Variants in ASTN2 observed in about 807,000 individuals in gnomAD.
The protein encoded by ASTN2 is astrotactin 2, also known as astrotactin-2.
Under a neutral mutation model 139.8 loss-of-function variants are expected in ASTN2, and 54 were observed. The ratio of observed to expected loss-of-function variants is 0.39; its 90% CI spans 0.31 to 0.48. The LOEUF (loss-of-function observed/expected upper bound fraction) is 0.48, where lower values mean the gene tolerates loss of function less well. Among genes scored for constraint, ASTN2 ranks in the 20% least tolerant of loss-of-function variants. The pLI, the probability that ASTN2 is intolerant of heterozygous loss-of-function variation, is 0.95. For synonymous variants in ASTN2, 756 were observed against 719.5 expected, an observed-to-expected ratio of 1.05 and a Z score of -0.81; for missense variants, 1,565 against 1,725.1, an observed-to-expected ratio of 0.91 and a Z score of 1.64.
At chr9:116,948,785 G>GTTTTTTTTTTTTGTTTTGT (rs1835471789) in intron 10 of ASTN2, among the ~76,000 whole-genome samples, 1 of 49,472 alleles carries the variant, frequency 2.0e-5, no homozygotes, top group Non-Finnish European at 3.4e-5. Context: ...ATAATTTGGT[G>GTTTTTTTTTTTTGTTTTGT]TTTTTTTTTT....
At chr9:117,074,127 G>T (rs947083218) in intron 5 of ASTN2, among the ~76,000 whole-genome samples, 3 of 152,142 alleles carry the variant, frequency 2.0e-5, no homozygotes, top group African/African-American at 7.2e-5. Flanking sequence ...ACAGGAATGG[G>T]GTTATCTGGG....
At chr9:116,882,321 T>A (rs1234651226) in intron 10 of ASTN2, among the ~76,000 whole-genome samples, 1 of 152,218 alleles carries the variant, frequency 6.6e-6, no homozygotes, top group Non-Finnish European at 1.5e-5. Context: ...GAGTGAAAGT[T>A]ACTGTATGGA....
At chr9:116,710,259 T>C (rs1828111997) in intron 16 of ASTN2, among the ~76,000 whole-genome samples, 1 of 152,168 alleles carries the variant, frequency 6.6e-6, no homozygotes, top group Non-Finnish European at 1.5e-5. Context: ...CCCTCTGCTC[T>C]CCCTAGAAAG....
chr9:116,951,109 G>T (rs1212826231), intron 10 of ASTN2, among the ~76,000 whole-genome samples: 1 of 151,896 alleles, frequency 6.6e-6, no homozygotes, highest in East Asian at 1.9e-4. Flanking sequence ...AGGCTGAGGT[G>T]GGTGGATCAC....
At chr9:117,048,307 A>G (rs946195182) in intron 5 of ASTN2, among the ~76,000 whole-genome samples, 16 of 152,190 alleles carry the variant, frequency 1.1e-4, no homozygotes, top group African/African-American at 3.6e-4. Context: ...TCACAAGGAC[A>G]AAGTTTAAAA....
At position 117,414,606 on chromosome 9, in the gene ASTN2, G is replaced by T. The variant is rs376579125; in HGVS notation, c.333C>A (p.Ala111=). The T allele has an allele frequency of 1.3e-6, 2 of 1,565,746 alleles. No homozygotes were observed. Among genetic ancestry groups the T allele is most frequent in the Non-Finnish European group, 1.7e-6 (2 of 1,160,900 alleles). The change falls in exon 1 of 23, where the codon GCC becomes GCA. Residue 111 remains alanine, a synonymous_variant. Transcript: ENST00000313400. The surrounding 1 kb of genome is among the most constrained non-coding windows in gnomAD (Gnocchi z 4.2). The part of the protein sequence containing the change: ...AAASPGSPGS[A]GTAAESRLLL... ...GGAGGCGCGACTCGGCGGCGGTGCC[G>T]GCAGAGCCAGGAGAGCCCGGGGACG...
At chr9:117,262,884 G>T (rs1243220873) in intron 2 of ASTN2, among the ~76,000 whole-genome samples, 1 of 152,162 alleles carries the variant, frequency 6.6e-6, no homozygotes, top group Non-Finnish European at 1.5e-5. Flanking sequence ...TATTGGCTTT[G>T]CAGATGGAGG....
At chr9:117,257,204 A>T (rs1483801170) in intron 2 of ASTN2, among the ~76,000 whole-genome samples, 1 of 152,200 alleles carries the variant, frequency 6.6e-6, no homozygotes, top group Non-Finnish European at 1.5e-5. Flanking sequence ...GTCCTGATTC[A>T]TTAAATGGAT....
chr9:117,000,441 C>T (rs1193399464), intron 7 of ASTN2, among the ~76,000 whole-genome samples: 2 of 152,190 alleles, frequency 1.3e-5, no homozygotes, highest in Non-Finnish European at 2.9e-5. Context: ...GTGTTGTAGA[C>T]CATATTGTCA....
Position 116,442,573 on chromosome 9 carries a change from CAG to C in ASTN2, c.3498-22_3498-21del. ...GTGAACCTGCAGCACAGCAAGAAAA[CAG>C]AGCACCAGGCTGTGACTTCACAGAA... is the stretch of plus-strand genomic sequence containing the variant. On this transcript the variant is annotated intron_variant, in intron 20 of 22. Transcript: ENST00000313400. 1 of 1,607,510 alleles carries C rather than the reference CAG, an allele frequency of 6.2e-7. No homozygotes were observed. Among genetic ancestry groups the C allele is most frequent in the Non-Finnish European group, 8.5e-7 (1 of 1,173,950 alleles).
intron 16 of ASTN2, among the ~76,000 whole-genome samples, chr9:116,670,342 T>G (rs1027111910): frequency 3.3e-5 from 5 of 152,104 alleles, no homozygotes; most frequent in Non-Finnish European, 5.9e-5. Flanking sequence ...CCGGACAAAG[T>G]GTCCACAAGG....
At chr9:117,191,441 A>G (rs966773564) in intron 3 of ASTN2, among the ~76,000 whole-genome samples, 1 of 152,242 alleles carries the variant, frequency 6.6e-6, no homozygotes, top group Non-Finnish European at 1.5e-5. Context: ...TGGGGCATAC[A>G]AAAAATTGCT....
At chr9:116,797,473 A>T (rs1224537846) in intron 13 of ASTN2, among the ~76,000 whole-genome samples, 1 of 152,072 alleles carries the variant, frequency 6.6e-6, no homozygotes, top group East Asian at 1.9e-4. Context: ...CCTCTAATCC[A>T]GCCTCCAACT....
intron 17 of ASTN2, among the ~76,000 whole-genome samples, chr9:116,630,979 G>A (rs1183946583): frequency 6.6e-6 from 1 of 151,964 alleles, no homozygotes; most frequent in African/African-American, 2.4e-5. Flanking sequence ...AATTATCAGG[G>A]AAATGCAAAT....
At chr9:117,142,899 G>A (rs1588010588) in intron 3 of ASTN2, among the ~76,000 whole-genome samples, 1 of 152,094 alleles carries the variant, frequency 6.6e-6, no homozygotes, top group Non-Finnish European at 1.5e-5. Context: ...TTCTTCTTCA[G>A]TTTGAGCTAC....
intron 20 of ASTN2, among the ~76,000 whole-genome samples, chr9:116,474,958 C>G (rs1316885592): frequency 6.6e-6 from 1 of 152,150 alleles, no homozygotes; most frequent in Admixed American, 6.5e-5. Flanking sequence ...TGGTAAAAGA[C>G]AGAAGTCAGA....
intron 1 of ASTN2, among the ~76,000 whole-genome samples, chr9:117,407,867 G>T (rs1184498611): frequency 1.3e-5 from 2 of 152,166 alleles, no homozygotes; most frequent in Non-Finnish European, 1.5e-5. Flanking sequence ...GCCACTAGCT[G>T]GTCAGTATGA....
intron 11 of ASTN2, 42 bp downstream of exon 11, chr9:116,863,541 C>A: frequency 1.9e-6 from 3 of 1,604,464 alleles, no homozygotes; most frequent in South Asian, 2.2e-5. Flanking sequence ...GTGGCCTTAG[C>A]CCCTGGGCCA....
intron 19 of ASTN2, chr9:116,562,218 CTT>C (rs1274341193): frequency 1.3e-5 from 2 of 152,212 alleles, no homozygotes; most frequent in African/African-American, 4.8e-5. Context: ...ATTCCCCTCT[CTT>C]TGAAATTCAC....
Sources: allele counts gnomAD v4.1 joint callset (sites outside exome capture counted in the v4.1 genomes callset), GRCh38; gene constraint gnomAD v4.1.1; non-coding constraint Gnocchi (gnomAD v3.1); transcripts MANE v1.5; gene names NCBI Gene and HGNC (gene_info 2026-07-23, HGNC 2026-07-21).